Variants in COL5A1 observed in about 807,000 individuals in gnomAD.
COL5A1 encodes the protein collagen alpha-1(V) chain.
A neutral mutation model predicts 263.7 loss-of-function variants in COL5A1; 16 were observed. The observed-to-expected ratio is 0.06, with a 90% CI of 0.04 to 0.09. The LOEUF (loss-of-function observed/expected upper bound fraction) is 0.09, where lower values mean the gene tolerates loss of function less well. Ranked by LOEUF, COL5A1 falls within the 10% of genes least tolerant of loss-of-function variation. The probability of loss-of-function intolerance (pLI) is 1.00; values close to 1 mark genes in which losing one functional copy is unlikely to be tolerated. For missense variants in COL5A1, 2,036 were observed against 2,540.5 expected (o/e 0.80, Z 4.27); for synonymous variants, 1,012 against 1,004.5 (o/e 1.01, Z -0.14).
At chr9:134,649,101 G>T (rs562812399) in intron 1 of COL5A1, among the ~76,000 whole-genome samples, 6 of 152,160 alleles carry the variant, frequency 3.9e-5, no homozygotes, top group South Asian at 2.1e-4. Flanking sequence ...GCGGGGTGTG[G>T]GGGGGGCTTT....
At chr9:134,739,887 G>A (rs1487367744) in intron 11 of COL5A1, among the ~76,000 whole-genome samples, 1 of 152,172 alleles carries the variant, frequency 6.6e-6, no homozygotes. Context: ...GGAGGAGATG[G>A]GAGCACTGAG....
intron 24 of COL5A1, 130 bp downstream of exon 24, chr9:134,767,484 G>A: frequency 3.6e-6 from 3 of 823,012 alleles, no homozygotes; most frequent in Non-Finnish European, 4.0e-6. Flanking sequence ...AGACGCCAAA[G>A]CTCAGAGTGC....
chr9:134,818,881 G>T lies in COL5A1; in HGVS notation c.4372G>T (p.Asp1458Tyr). The T allele has an allele frequency of 6.2e-7, 1 of 1,613,076 alleles. No homozygotes were observed. The highest frequency in any genetic ancestry group is 8.5e-7 in the Non-Finnish European group (1 of 1,179,798). Residue 1458 changes from aspartate (D) to tyrosine (Y), a missense_variant, in exon 56 of 66, where the codon GAC becomes TAC. Transcript: ENST00000371817. This position sits in a 1 kb window ranked among gnomAD's most constrained non-coding sequence, Gnocchi z 6.0. Reference protein sequence around the residue: ...EQGLPGSPGPDGPPGPMGPPG... With the variant: ...EQGLPGSPGPYGPPGPMGPPG... ...AGGTCTCCCAGGATCCCCAGGCCCGGACGGTCCCCCCGGCCCCATGGTGAG... is the reference window on the plus strand; with the variant it reads ...AGGTCTCCCAGGATCCCCAGGCCCGTACGGTCCCCCCGGCCCCATGGTGAG...
At chr9:134,743,627 A>C (rs532075228) in intron 11 of COL5A1, among the ~76,000 whole-genome samples, 2 of 152,276 alleles carry the variant, frequency 1.3e-5, no homozygotes, top group East Asian at 3.9e-4. Flanking sequence ...CTCCCTGCAC[A>C]GTGGGATGCA....
At chr9:134,803,916 T>TA (rs1238956657) in intron 39 of COL5A1, among the ~76,000 whole-genome samples, 2 of 152,156 alleles carry the variant, frequency 1.3e-5, no homozygotes, top group Non-Finnish European at 2.9e-5. Flanking sequence ...AACGTGTTTT[T>TA]ATCCCACCTC....
intron 13 of COL5A1, 115 bp from the exon 14 acceptor site, chr9:134,752,474 C>T (rs1374990331): frequency 1.3e-6 from 1 of 787,416 alleles, no homozygotes; most frequent in African/African-American, 1.7e-5. Context: ...AGTCTCCTGT[C>T]CCTCCTCTGT....
intron 18 of COL5A1, among the ~76,000 whole-genome samples, chr9:134,760,098 A>AC (rs1316639433): frequency 4.3e-5 from 4 of 94,024 alleles, no homozygotes; most frequent in Non-Finnish European, 6.3e-5. Flanking sequence ...ACGCCCACAC[A>AC]CCCCCACACT....
Position 134,652,737 on chromosome 9 carries a change from A to T in COL5A1, c.109+10441A>T. The T allele has an allele frequency of 2.1e-6, 1 of 470,840 alleles. No individual in the cohort carries two copies. The highest frequency in any genetic ancestry group is 1.5e-5 in the South Asian group (1 of 64,562). The allele number at this position is 470,840 out of a possible 1,614,324, so 29.2% of individuals were successfully genotyped here. ...TGGTCTTCTCATGGCTCATTGTCAG[A>T]CAGGAGGGAGGGCCTCTTCTTAGGC... On this transcript the variant is annotated intron_variant, in intron 1 of 65. Coordinates refer to ENST00000371817, the MANE Select transcript of COL5A1 (RefSeq NM_000093.5). This position sits in a 1 kb window ranked among gnomAD's most constrained non-coding sequence, Gnocchi z 4.4.
rs748061360 is a variant in COL5A1 at position 134,796,332 on chromosome 9, A to G, written c.2800-42A>G. On this transcript the variant is annotated intron_variant, in intron 34 of 65. Coordinates refer to ENST00000371817, the MANE Select transcript of COL5A1 (RefSeq NM_000093.5). ...GGGCCAGAGTCTTTTCATCCAAATA[A>G]TAACAATCATAAGCTTTTCCCCCCT... 3.1e-6 allele frequency: 5 copies of G among 1,604,628 alleles called. No homozygotes were observed. The Admixed American group carries it at 6.7e-5, about 21-fold the overall frequency.
intron 18 of COL5A1, among the ~76,000 whole-genome samples, chr9:134,760,682 C>G (rs1234005756): frequency 2.2e-5 from 3 of 139,170 alleles, no homozygotes; most frequent in Admixed American, 1.4e-4. Context: ...GCACACCCCC[C>G]ACACTCATAC....
In COL5A1 at chr9:134,828,187, G is replaced by A. The variant is rs114059070; in HGVS notation, c.5068-1789G>A. On this transcript the variant is annotated intron_variant, in intron 63 of 65. Coordinates refer to ENST00000371817, the MANE Select transcript of COL5A1 (RefSeq NM_000093.5). ...CCTGTTTTTGGGACCCAGCGTGCAG[G>A]TCTCCCCTCAGAGGAATGGCTGCTC... Among the ~76,000 whole-genome samples, 1,066 of 152,236 alleles carry A rather than the reference G, an allele frequency of 7.0e-3. 6 individuals carry two copies. Among genetic ancestry groups the A allele is most frequent in the African/African-American group, 0.024 (1,005 of 41,528 alleles).
rs1207588162 is a variant in COL5A1 at position 134,821,263 on chromosome 9, C to T, written c.4555-834C>T. Among the ~76,000 whole-genome samples, 1 of 152,102 alleles carries T rather than the reference C, an allele frequency of 6.6e-6. No homozygotes were observed. Among genetic ancestry groups the T allele is most frequent in the Non-Finnish European group, 1.5e-5 (1 of 68,032 alleles). On this transcript the variant is annotated intron_variant, in intron 58 of 65. Coordinates refer to ENST00000371817, the MANE Select transcript of COL5A1 (RefSeq NM_000093.5). The surrounding 1 kb of genome is among the most constrained non-coding windows in gnomAD (Gnocchi z 4.2). Reference sequence around the variant, plus strand: ...TCCACCCTGTTTGCTCACCTGCCCTCACCCCAAACCATGGTCTTGGCGGCA... The same window carrying T: ...TCCACCCTGTTTGCTCACCTGCCCTTACCCCAAACCATGGTCTTGGCGGCA...
At chr9:134,687,136 G>A (rs1168942655) in intron 1 of COL5A1, among the ~76,000 whole-genome samples, 1 of 152,180 alleles carries the variant, frequency 6.6e-6, no homozygotes, top group Non-Finnish European at 1.5e-5. Flanking sequence ...GCATGCGTGG[G>A]GGTCTGGACA....
At chr9:134,714,100 A>T (rs780144827) in intron 4 of COL5A1, among the ~76,000 whole-genome samples, 5 of 152,148 alleles carry the variant, frequency 3.3e-5, no homozygotes, top group Non-Finnish European at 4.4e-5. Flanking sequence ...TTTCATCTTT[A>T]TGTCCCTAAG....
rs142933609 is a variant in COL5A1, at chr9:134,701,257, G to A, written c.578G>A (p.Arg193His). The A allele has an allele frequency of 5.0e-6, 8 of 1,613,886 alleles. No homozygotes were observed. Among genetic ancestry groups the A allele is most frequent in the African/African-American group, 2.7e-5 (2 of 75,018 alleles). The change falls in exon 4 of 66, where the codon CGC becomes CAC. Residue 193 changes from arginine (R) to histidine (H), a missense_variant. By Grantham distance (29) the Arg-to-His change is conservative. Transcript: ENST00000371817. ...CKKKTTKFLD[R>H]SDHPMIDING... ...AAGAAGACCACCAAATTCCTCGACC[G>A]CAGCGACCACCCCATGATCGACATC...
At chr9:134,679,598 GGC>G (rs1832786838) in intron 1 of COL5A1, among the ~76,000 whole-genome samples, 1 of 106,008 alleles carries the variant, frequency 9.4e-6, no homozygotes, top group African/African-American at 3.9e-5. Context: ...GGGCTGGTTG[GGC>G]ACTGCGGGGC....
intron 6 of COL5A1, among the ~76,000 whole-genome samples, chr9:134,729,178 C>A (rs1035034338): frequency 5.3e-5 from 8 of 152,172 alleles, no homozygotes; most frequent in African/African-American, 1.9e-4. Flanking sequence ...GAGAGGAGAG[C>A]TCAGGGGCTC....
rs973370544 is a variant in COL5A1, at chr9:134,647,479, TTGAG to T, written c.109+5186_109+5189del. Reference sequence around the variant, plus strand: ...TGTGTTTGTGGGTATACATGTGTGTTTGAGTGTGCACGCATGCGCATCCTTGCAC... The same window carrying T: ...TGTGTTTGTGGGTATACATGTGTGTTTGTGCACGCATGCGCATCCTTGCAC... On this transcript the variant is annotated intron_variant, in intron 1 of 65. Coordinates refer to ENST00000371817, the MANE Select transcript of COL5A1 (RefSeq NM_000093.5). The surrounding 1 kb of genome is among the most constrained non-coding windows in gnomAD (Gnocchi z 5.0). Among the ~76,000 whole-genome samples, 21 of 152,066 alleles carry T rather than the reference TTGAG, an allele frequency of 1.4e-4. No individual in the cohort carries two copies. The highest frequency in any genetic ancestry group is 3.3e-4 in the Admixed American group (5 of 15,268).
At chr9:134,785,894 C>T (rs1194486697) in intron 30 of COL5A1, 101 bp from the exon 31 acceptor site, 24 of 1,111,562 alleles carry the variant, frequency 2.2e-5, no homozygotes, top group Non-Finnish European at 3.2e-5. Context: ...ACCACACCCT[C>T]CTCCAGGCCC....
Sources: gnomAD v4.1 joint callset for allele counts (sites outside exome capture counted in the v4.1 genomes callset) on GRCh38, gnomAD v4.1.1 for gene constraint, Gnocchi (gnomAD v3.1) non-coding constraint, MANE v1.5 for transcripts, NCBI Gene and HGNC (gene_info 2026-07-23, HGNC 2026-07-21) for gene names.